PTPRD: variants seen among roughly 807,000 people sequenced by gnomAD.
PTPRD encodes the protein receptor-type tyrosine-protein phosphatase delta.
PTPRD carries 34 observed loss-of-function variants against 214.5 expected under a neutral mutation model. The observed-to-expected ratio is 0.16, with a 90% CI of 0.12 to 0.21. PTPRD has a LOEUF of 0.21. Ranked by LOEUF, PTPRD falls within the 10% of genes least tolerant of loss-of-function variation. PTPRD has a pLI of 1.00. For synonymous variants in PTPRD, 1,128 were observed against 845.7 expected, an observed-to-expected ratio of 1.33 and a Z score of -5.79; for missense variants, 2,545 against 2,398.7, an observed-to-expected ratio of 1.06 and a Z score of -1.27.
chr9:9,436,784 A>T (rs565039913), intron 8 of PTPRD, among the ~76,000 whole-genome samples: 2 of 152,204 alleles, frequency 1.3e-5, no homozygotes, highest in African/African-American at 4.8e-5. Flanking sequence ...ATACATTTTC[A>T]GTCAAGCAAA....
chr9:8,818,472 C>T (rs1288509142), intron 11 of PTPRD, among the ~76,000 whole-genome samples: 2 of 152,172 alleles, frequency 1.3e-5, no homozygotes, highest in African/African-American at 2.4e-5. Flanking sequence ...GAGCTTTCTT[C>T]CTCATTGCTA....
At chr9:9,145,560 C>T (rs762617499) in intron 10 of PTPRD, among the ~76,000 whole-genome samples, 4 of 151,980 alleles carry the variant, frequency 2.6e-5, no homozygotes, top group Non-Finnish European at 4.4e-5. Flanking sequence ...CATACCCCCT[C>T]CTCACCCCCA....
At chr9:9,699,730 A>C (rs1249230289) in intron 7 of PTPRD, among the ~76,000 whole-genome samples, 1 of 152,200 alleles carries the variant, frequency 6.6e-6, no homozygotes, top group African/African-American at 2.4e-5. Flanking sequence ...GGACCGTTAA[A>C]GTTTTAGTAG....
At chr9:9,868,368 AT>A (rs2064526624) in intron 5 of PTPRD, among the ~76,000 whole-genome samples, 2 of 152,104 alleles carry the variant, frequency 1.3e-5, no homozygotes, top group Admixed American at 1.3e-4. Flanking sequence ...TGGAATAAGA[AT>A]TTTTTAACTA....
At chr9:9,500,644 T>G (rs924617674) in intron 8 of PTPRD, among the ~76,000 whole-genome samples, 4 of 152,068 alleles carry the variant, frequency 2.6e-5, no homozygotes, top group Admixed American at 2.0e-4. Flanking sequence ...GGAAGTTCAT[T>G]AAGCAGAATA....
chr9:8,724,816 T>C (rs1013345791), intron 12 of PTPRD, among the ~76,000 whole-genome samples: 3 of 150,968 alleles, frequency 2.0e-5, no homozygotes, highest in Admixed American at 2.0e-4. Flanking sequence ...CACGTGCCAG[T>C]AATCCCAGCT....
rs1555575654 is a variant in PTPRD at position 8,948,493 on chromosome 9, T to TTACA, written c.-104+70203_-104+70204insTGTA. Among the ~76,000 whole-genome samples the TTACA allele has an allele frequency of 3.5e-4, 17 of 48,432 alleles. 1 individual carries two copies. The highest frequency in any genetic ancestry group is 1.3e-3 in the African/African-American group (14 of 10,998). 31.8% of individuals were successfully genotyped at this position (48,432 alleles called of 152,430 possible). A position where few individuals can be genotyped will look rare whatever the true frequency, so the allele number is the denominator to read the frequency against. On this transcript the variant is annotated intron_variant, in intron 11 of 45. Transcript: ENST00000381196. Reference sequence around the variant, plus strand: ...CATATATATATATTTATATATATATTTATATATATATTTATATATATATAT... The same window carrying TTACA: ...CATATATATATATTTATATATATATTTACATATATATATATTTATATATATATAT...
At chr9:9,505,518 G>C (rs1378059273) in intron 8 of PTPRD, among the ~76,000 whole-genome samples, 1 of 151,368 alleles carries the variant, frequency 6.6e-6, no homozygotes, top group Non-Finnish European at 1.5e-5. Flanking sequence ...GAAACGTGTA[G>C]CTGTCATTAT....
chr9:8,378,988 C>T (rs1184831895), intron 37 of PTPRD, among the ~76,000 whole-genome samples: 1 of 151,832 alleles, frequency 6.6e-6, no homozygotes, highest in Non-Finnish European at 1.5e-5. Context: ...GACTCTGACC[C>T]CTTTAGAAAA....
chr9:9,960,773 T>C (rs183505753), intron 4 of PTPRD, among the ~76,000 whole-genome samples: 12 of 152,196 alleles, frequency 7.9e-5, no homozygotes, highest in African/African-American at 2.4e-4. Context: ...GATAACTAAA[T>C]ATAATGTAAT....
intron 2 of PTPRD, among the ~76,000 whole-genome samples, chr9:10,484,956 T>A (rs1391852411): frequency 6.6e-6 from 1 of 152,084 alleles, no homozygotes; most frequent in African/African-American, 2.4e-5. Flanking sequence ...CCAGAGAGTT[T>A]CTCTAATGTT....
chr9:8,723,063 T>A (rs2098518799), intron 12 of PTPRD, among the ~76,000 whole-genome samples: 1 of 152,112 alleles, frequency 6.6e-6, no homozygotes, highest in Non-Finnish European at 1.5e-5. Flanking sequence ...GATGTCCCAA[T>A]AATATATGTG....
intron 3 of PTPRD, among the ~76,000 whole-genome samples, chr9:10,063,400 T>TA (rs1221540019): frequency 6.6e-6 from 1 of 152,012 alleles, no homozygotes; most frequent in Non-Finnish European, 1.5e-5. Context: ...TATCTATTGA[T>TA]AAAAAAGAGT....
At chr9:9,385,802 G>T (rs978172929) in intron 9 of PTPRD, among the ~76,000 whole-genome samples, 1 of 152,232 alleles carries the variant, frequency 6.6e-6, no homozygotes, top group East Asian at 1.9e-4. Flanking sequence ...CTTTCCATTT[G>T]AAGAAATAAT....
At chr9:8,745,353 T>C (rs1037204886) in intron 11 of PTPRD, among the ~76,000 whole-genome samples, 7 of 152,168 alleles carry the variant, frequency 4.6e-5, no homozygotes, top group Non-Finnish European at 1.0e-4. Context: ...TCATGATTAA[T>C]TCCAAAGTGA....
chr9:9,370,549 A>T lies in PTPRD; in HGVS notation c.-203+26900T>A, dbSNP rs374598048. ...GGTTTTCTAGATATACAATCATGTC[A>T]TCTGCAAACAGGGACAATTTGACTT... On this transcript the variant is annotated intron_variant, in intron 9 of 45. Transcript: ENST00000381196. Among the ~76,000 whole-genome samples the T allele has an allele frequency of 5.3e-5, 8 of 151,834 alleles. No homozygotes were observed. The East Asian group carries it at 1.4e-3, about 26-fold the overall frequency.
intron 19 of PTPRD, among the ~76,000 whole-genome samples, chr9:8,523,013 G>C (rs917014320): frequency 2.6e-5 from 4 of 152,140 alleles, no homozygotes; most frequent in African/African-American, 9.7e-5. Flanking sequence ...AGGAGAAGAA[G>C]AGAAAGCTAA....
intron 4 of PTPRD, among the ~76,000 whole-genome samples, chr9:9,947,229 T>C (rs1476281572): frequency 7.3e-6 from 1 of 137,378 alleles, no homozygotes; most frequent in Non-Finnish European, 1.5e-5. Flanking sequence ...TACTTTGGAA[T>C]ATAATGGTAC....
intron 36 of PTPRD, among the ~76,000 whole-genome samples, chr9:8,401,799 G>GT: frequency 6.6e-6 from 1 of 152,068 alleles, no homozygotes; most frequent in Non-Finnish European, 1.5e-5. Context: ...GCAAAATAAT[G>GT]TAAGGAGTAA....
Sources: gnomAD v4.1 joint callset for allele counts (sites outside exome capture counted in the v4.1 genomes callset) on GRCh38, gnomAD v4.1.1 for gene constraint, MANE v1.5 for transcripts, NCBI Gene and HGNC (gene_info 2026-07-23, HGNC 2026-07-21) for gene names.